The following PRKCB variants were observed in gnomAD, a reference collection of about 807,000 sequenced individuals.
The protein encoded by PRKCB is protein kinase C beta.
A neutral mutation model predicts 81.5 loss-of-function variants in PRKCB; 13 were observed. The ratio of observed to expected loss-of-function variants is 0.16; its 90% CI spans 0.10 to 0.25. PRKCB has a LOEUF of 0.25. Ranked by LOEUF, PRKCB falls within the 10% of genes least tolerant of loss-of-function variation. PRKCB has a pLI of 1.00. For synonymous variants in PRKCB, 335 were observed against 321.4 expected, an observed-to-expected ratio of 1.04 and a Z score of -0.45; for missense variants, 509 against 875.7, an observed-to-expected ratio of 0.58 and a Z score of 5.29.
Position 24,185,210 on chromosome 16 carries a change from A to T in PRKCB, c.1614+19A>T. 6.2e-7 allele frequency: 1 copy of T among 1,606,002 alleles called. No homozygotes were observed. The highest frequency in any genetic ancestry group is 8.5e-7 in the Non-Finnish European group (1 of 1,173,652). The stretch of plus-strand genomic sequence containing the variant: ...TGGGCAGGTAATTGAATTTTAAGTG[A>T]TCGATAAGAGAAGTCCTCCCTACCC... On this transcript the variant is annotated intron_variant, in intron 14 of 16. Transcript: ENST00000643927.
intron 10 of PRKCB, among the ~76,000 whole-genome samples, chr16:24,159,104 G>A (rs1967215028): frequency 6.6e-6 from 1 of 152,194 alleles, no homozygotes; most frequent in Non-Finnish European, 1.5e-5. Flanking sequence ...GTTCAGTGAA[G>A]CCACACTACC....
At chr16:23,975,433 G>T (rs76530374) in intron 2 of PRKCB, among the ~76,000 whole-genome samples, 4,150 of 152,192 alleles carry the variant, frequency 0.027, 104 homozygotes, top group Middle Eastern at 0.051. Flanking sequence ...GTAGCAAAGG[G>T]TCTAAATCGC....
At chr16:23,871,880 T>TAA (rs1567296818) in intron 2 of PRKCB, among the ~76,000 whole-genome samples, 1 of 139,192 alleles carries the variant, frequency 7.2e-6, no homozygotes, top group African/African-American at 2.6e-5. Context: ...TTTTTTTTTT[T>TAA]AAATCTTTTC....
intron 2 of PRKCB, among the ~76,000 whole-genome samples, chr16:23,938,248 T>A (rs1964088812): frequency 6.6e-6 from 1 of 152,236 alleles, no homozygotes; most frequent in African/African-American, 2.4e-5. Context: ...GGAAATGTTA[T>A]CATCTACATA....
In PRKCB at chr16:24,204,727, C is replaced by A. The variant is rs1225230563; in HGVS notation, c.1864-9931C>A. On this transcript the variant is annotated intron_variant, in intron 16 of 16. Coordinates refer to ENST00000643927, the MANE Select transcript of PRKCB (RefSeq NM_002738.7). Reference sequence around the variant, plus strand: ...CTTTGTCTAAAAACTAAAAAACATCCATTCATCTATTCATCCAGCCATCTA... The same window carrying A: ...CTTTGTCTAAAAACTAAAAAACATCAATTCATCTATTCATCCAGCCATCTA... Among the ~76,000 whole-genome samples the A allele has an allele frequency of 2.0e-5, 3 of 152,202 alleles. No homozygotes were observed. The East Asian group carries it at 5.8e-4, about 29-fold the overall frequency.
intron 3 of PRKCB, among the ~76,000 whole-genome samples, chr16:23,990,206 C>T (rs1265452188): frequency 1.3e-5 from 2 of 152,042 alleles, no homozygotes; most frequent in Non-Finnish European, 2.9e-5. Flanking sequence ...CGCCTGTAAT[C>T]CCAGCACTTT....
chr16:23,957,819 T>C (rs1964369928), intron 2 of PRKCB, among the ~76,000 whole-genome samples: 1 of 152,166 alleles, frequency 6.6e-6, no homozygotes, highest in African/African-American at 2.4e-5. Context: ...CCTTCAGGGA[T>C]TGCAAATCGT....
chr16:24,204,722 A>G (rs559729210), intron 16 of PRKCB, among the ~76,000 whole-genome samples: 2 of 152,230 alleles, frequency 1.3e-5, no homozygotes, highest in South Asian at 4.1e-4. Context: ...AAACTAAAAA[A>G]CATCCATTCA....
intron 4 of PRKCB, among the ~76,000 whole-genome samples, chr16:24,032,680 TCCGTGCATGCA>T (rs992124911): frequency 5.9e-5 from 9 of 152,130 alleles, no homozygotes; most frequent in Admixed American, 2.6e-4. Flanking sequence ...CTACCTAGCC[TCCGTGCATGCA>T]CGGAGGTCAC....
chr16:24,108,018 T>C (rs965089013), intron 7 of PRKCB, among the ~76,000 whole-genome samples: 2 of 152,202 alleles, frequency 1.3e-5, no homozygotes, highest in African/African-American at 2.4e-5. Context: ...GTCTCTGATA[T>C]ATCGTTAACA....
intron 3 of PRKCB, among the ~76,000 whole-genome samples, chr16:23,993,308 C>G (rs1045384993): frequency 6.6e-6 from 1 of 152,112 alleles, no homozygotes; most frequent in African/African-American, 2.4e-5. Context: ...AGCAGAGATT[C>G]TGAATGTAAT....
intron 2 of PRKCB, among the ~76,000 whole-genome samples, chr16:23,854,665 C>T (rs886114): frequency 0.63 from 96,136 of 151,942 alleles, 30,527 homozygotes; most frequent in Non-Finnish European, 0.63. Flanking sequence ...CTGCCATATT[C>T]CCTGGTCAAA....
At chr16:23,950,132 A>AGGTTTTTTTTTTT in intron 2 of PRKCB, among the ~76,000 whole-genome samples, 1 of 97,760 alleles carries the variant, frequency 1.0e-5, no homozygotes, top group Non-Finnish European at 2.0e-5. Flanking sequence ...TATGATTTGA[A>AGGTTTTTTTTTTT]TTTTTTTTTT....
chr16:23,971,781 A>G (rs1360799789), intron 2 of PRKCB, among the ~76,000 whole-genome samples: 3 of 152,172 alleles, frequency 2.0e-5, no homozygotes, highest in Non-Finnish European at 4.4e-5. Context: ...TAGAATGCAA[A>G]ACATATTATA....
At chr16:24,096,577 A>C (rs1966441947) in intron 7 of PRKCB, among the ~76,000 whole-genome samples, 1 of 148,918 alleles carries the variant, frequency 6.7e-6, no homozygotes, top group African/African-American at 2.5e-5. Context: ...TCATAGATGT[A>C]CTGGGGTGTT....
rs149590560 is a variant in PRKCB, at chr16:23,877,706, A to G, written c.205+40300A>G. 3.1e-3 allele frequency among the ~76,000 whole-genome samples: 466 copies of G among 152,344 alleles called. 8 individuals carry two copies. Among genetic ancestry groups the G allele is most frequent in the Admixed American group, 0.026 (404 of 15,302 alleles). ...TTTCATTTCAGTCTTTAAGCTAAAA[A>G]TCTGTGTAAATGGTAATGGAGAATG... is the stretch of plus-strand genomic sequence containing the variant. On this transcript the variant is annotated intron_variant, in intron 2 of 16. Coordinates refer to ENST00000643927, the MANE Select transcript of PRKCB (RefSeq NM_002738.7).
intron 2 of PRKCB, among the ~76,000 whole-genome samples, chr16:23,871,205 G>A (rs1346261424): frequency 6.6e-6 from 1 of 152,242 alleles, no homozygotes; most frequent in Non-Finnish European, 1.5e-5. Context: ...CACATAGCAA[G>A]GGTGTGGCTC....
chr16:23,888,360 G>T (rs1388657381), intron 2 of PRKCB, among the ~76,000 whole-genome samples: 1 of 152,202 alleles, frequency 6.6e-6, no homozygotes, highest in Non-Finnish European at 1.5e-5. Context: ...GGCTCCATGA[G>T]TTGGCAGGCT....
chr16:23,982,673 C>T (rs1046203236), intron 2 of PRKCB, among the ~76,000 whole-genome samples: 2 of 152,078 alleles, frequency 1.3e-5, no homozygotes, highest in African/African-American at 2.4e-5. Context: ...AAGCAATCCT[C>T]CTGCCTCGAC....
Sources: allele counts gnomAD v4.1 joint callset (sites outside exome capture counted in the v4.1 genomes callset), GRCh38; gene constraint gnomAD v4.1.1; transcripts MANE v1.5; gene names NCBI Gene and HGNC (gene_info 2026-07-23, HGNC 2026-07-21).